Variants in NUTM2E observed in about 807,000 individuals in gnomAD.
NUTM2E encodes NUT family member 2E.
Under a neutral mutation model 26.1 loss-of-function variants are expected in NUTM2E, and 3 were observed. The observed-to-expected ratio is 0.12, with a 90% CI of 0.05 to 0.30. The LOEUF (loss-of-function observed/expected upper bound fraction) is 0.30. NUTM2E is among the 10% of genes least tolerant of loss of function. The probability of loss-of-function intolerance (pLI) is 1.00; values close to 1 mark genes in which losing one functional copy is unlikely to be tolerated. For missense variants in NUTM2E, 62 were observed against 381.3 expected (o/e 0.16, Z 6.97); for synonymous variants, 13 against 157.5 (o/e 0.08, Z 6.87).
Position 79,838,333 on chromosome 10 carries a change from T to C in NUTM2E, c.-2703T>C, listed in dbSNP as rs407831. 0.51 allele frequency among the ~76,000 whole-genome samples: 12,492 copies of C among 24,536 alleles called. 4,475 individuals are homozygous for C. The highest frequency in any genetic ancestry group is 0.8 in the Middle Eastern group (48 of 60). 16.1% of individuals were successfully genotyped at this position (24,536 alleles called of 152,430 possible). On this transcript the variant is annotated 5_prime_UTR_variant, in exon 2 of 10. Coordinates refer to ENST00000429984, the MANE Select transcript of NUTM2E (RefSeq NM_001355263.2). ...GCTGCTCCTATCAGTGACAAATCAG[T>C]GTATTAGAACATGCATGCTGGCTGA...
chr10:79,828,134 G>C (rs1266600067), intron 1 of NUTM2E, among the ~76,000 whole-genome samples: 2 of 151,486 alleles, frequency 1.3e-5, no homozygotes, highest in East Asian at 3.9e-4. Context: ...TGTGCTTTCA[G>C]AATGAGGCAA....
rs577263063 is a variant in NUTM2E at position 79,839,141 on chromosome 10, C to G, written c.-2114+26C>G. Among the ~76,000 whole-genome samples, 95 of 151,744 alleles carry G rather than the reference C, an allele frequency of 6.3e-4. 2 individuals are homozygous for G. The highest frequency in any genetic ancestry group is 9.9e-4 in the Non-Finnish European group (67 of 67,858). On this transcript the variant is annotated intron_variant, in intron 3 of 9. Transcript: ENST00000429984. ...GTAATACAAACCTGCAGTCCATGCA[C>G]CTAGGTAACACCCTTGCTGAAAGGT...
chr10:79,827,772 A>G (rs1405346745), intron 1 of NUTM2E, among the ~76,000 whole-genome samples: 1 of 147,266 alleles, frequency 6.8e-6, no homozygotes, highest in Non-Finnish European at 1.5e-5. Flanking sequence ...ATACTAAATG[A>G]ATTATTTAGT....
At chr10:79,847,052 TGAG>T (rs1206425895) in intron 6 of NUTM2E, 94 bp downstream of exon 6, 1 of 872,340 alleles carries the variant, frequency 1.1e-6, no homozygotes, top group African/African-American at 1.7e-5. Flanking sequence ...ACGTGGAGTA[TGAG>T]GAGGGTGTGG....
rs1156929036 is a variant in NUTM2E at position 79,826,957 on chromosome 10, A to G, written c.-3128A>G. The G allele has an allele frequency of 2.0e-5, 3 of 147,818 alleles. No individual in the cohort carries two copies. Among genetic ancestry groups the G allele is most frequent in the African/African-American group, 7.4e-5 (3 of 40,302 alleles). 9.2% of individuals were successfully genotyped at this position (147,818 alleles called of 1,614,324 possible). A position where few individuals can be genotyped will look rare whatever the true frequency, so the allele number is the denominator to read the frequency against. ...TGCCGGGCACCGTCGAGCGTTAGCC[A>G]CCCAGCATTGAGCTGCCAGCGGCTG... On this transcript the variant is annotated 5_prime_UTR_variant, in exon 1 of 10. Transcript: ENST00000429984.
At chr10:79,845,318 T>A (rs551952568) in intron 5 of NUTM2E, among the ~76,000 whole-genome samples, 57 of 113,768 alleles carry the variant, frequency 5.0e-4, no homozygotes, top group Non-Finnish European at 8.1e-4. Context: ...GCAGTTCCGC[T>A]GAGGTCCAGT....
chr10:79,833,674 C>T (rs1329626803), intron 1 of NUTM2E, among the ~76,000 whole-genome samples: 2 of 151,582 alleles, frequency 1.3e-5, no homozygotes, highest in African/African-American at 4.8e-5. Flanking sequence ...CCATCTCAGG[C>T]CAGTTAGAAT....
chr10:79,833,184 G>A (rs1314254229), intron 1 of NUTM2E, among the ~76,000 whole-genome samples: 2 of 151,848 alleles, frequency 1.3e-5, no homozygotes, highest in African/African-American at 4.8e-5. Flanking sequence ...TCCCCAAAAA[G>A]CAATTAAGCA....
chr10:79,834,173 A>C (rs1400153007), intron 1 of NUTM2E, among the ~76,000 whole-genome samples: 1 of 151,376 alleles, frequency 6.6e-6, no homozygotes, highest in African/African-American at 2.4e-5. Flanking sequence ...ACACGTGGGC[A>C]CATGGAGGGA....
chr10:79,832,863 G>A (rs977535283), intron 1 of NUTM2E, among the ~76,000 whole-genome samples: 1 of 151,684 alleles, frequency 6.6e-6, no homozygotes, highest in African/African-American at 2.4e-5. Flanking sequence ...GAGAAACAGT[G>A]TATGTGTGTG....
rs868176795 is a variant in NUTM2E, at chr10:79,838,200, G to A, written c.-2727-109G>A. ...ATTTGTAAATCCCACATAAGTAAGC[G>A]ATTCTCATGGAAGCTTTTCTTGACT... is the stretch of plus-strand genomic sequence containing the variant. On this transcript the variant is annotated intron_variant, in intron 1 of 9. Coordinates refer to ENST00000429984, the MANE Select transcript of NUTM2E (RefSeq NM_001355263.2). Among the ~76,000 whole-genome samples, 142 of 143,952 alleles carry A rather than the reference G, an allele frequency of 9.9e-4. 1 individual carries two copies. Among genetic ancestry groups the A allele is most frequent in the African/African-American group, 3.3e-3 (129 of 39,118 alleles). 94.4% of individuals were successfully genotyped at this position (143,952 alleles called of 152,430 possible). A position where few individuals can be genotyped will look rare whatever the true frequency, so the allele number is the denominator to read the frequency against.
intron 1 of NUTM2E, among the ~76,000 whole-genome samples, chr10:79,827,913 C>T (rs1301753358): frequency 6.6e-6 from 1 of 150,876 alleles, no homozygotes; most frequent in Non-Finnish European, 1.5e-5. Flanking sequence ...CCTACCTCAG[C>T]CTCCCAAGTA....
In NUTM2E at chr10:79,840,306, C is replaced by A. The variant is rs1589309038; in HGVS notation, c.-1435C>A. The stretch of plus-strand genomic sequence containing the variant: ...ACCATGATTTTGCTTGAATTGCTCT[C>A]CGTTGATCTTCTCAGCTAAGATGGA... On this transcript the variant is annotated 5_prime_UTR_variant, in exon 4 of 10. Transcript: ENST00000429984. 9.0e-6 allele frequency among the ~76,000 whole-genome samples: 1 copy of A among 111,218 alleles called. No homozygotes were observed. The highest frequency in any genetic ancestry group is 1.9e-5 in the Non-Finnish European group (1 of 52,150). The allele number at this position is 111,218 out of a possible 152,430, so 73.0% of individuals were successfully genotyped here.
rs1356659521 is a variant in NUTM2E, at chr10:79,830,976, C to T, written c.-2728+3619C>T. Among the ~76,000 whole-genome samples the T allele has an allele frequency of 5.9e-5, 9 of 151,862 alleles. No individual in the cohort carries two copies. The East Asian group carries it at 1.4e-3, about 23-fold the overall frequency. ...TCTTTATTTTAATATTTATATACCA[C>T]GTAGGCATCTCAGTGTTTCACTCTT... On this transcript the variant is annotated intron_variant, in intron 1 of 9. Coordinates refer to ENST00000429984, the MANE Select transcript of NUTM2E (RefSeq NM_001355263.2).
intron 1 of NUTM2E, among the ~76,000 whole-genome samples, chr10:79,836,904 C>T (rs981166670): frequency 1.3e-5 from 2 of 151,916 alleles, no homozygotes; most frequent in African/African-American, 4.8e-5. Context: ...AACTTTATTA[C>T]CCTTATCTAT....
At chr10:79,830,621 G>A (rs1367572532) in intron 1 of NUTM2E, among the ~76,000 whole-genome samples, 1 of 151,444 alleles carries the variant, frequency 6.6e-6, no homozygotes, top group African/African-American at 2.4e-5. Context: ...ATTTTAATAG[G>A]TAAGAAACTA....
At chr10:79,830,251 T>C (rs61862761) in intron 1 of NUTM2E, among the ~76,000 whole-genome samples, 11,221 of 151,722 alleles carry the variant, frequency 0.074, 725 homozygotes, top group South Asian at 0.2. Flanking sequence ...TCTTTCATCC[T>C]AAGAATAAAA....
At chr10:79,837,970 C>T (rs1281439214) in intron 1 of NUTM2E, among the ~76,000 whole-genome samples, 3 of 151,416 alleles carry the variant, frequency 2.0e-5, no homozygotes, top group Admixed American at 1.3e-4. Context: ...ATGAAAGCCT[C>T]AGCTGCAGCC....
At chr10:79,836,169 C>T (rs1841962546) in intron 1 of NUTM2E, among the ~76,000 whole-genome samples, 2 of 151,554 alleles carry the variant, frequency 1.3e-5, no homozygotes, top group African/African-American at 4.8e-5. Context: ...GTCAGAACCT[C>T]ACCATTTATT....
Sources: allele counts gnomAD v4.1 joint callset (sites outside exome capture counted in the v4.1 genomes callset), GRCh38; gene constraint gnomAD v4.1.1; transcripts MANE v1.5; gene names NCBI Gene and HGNC (gene_info 2026-07-23, HGNC 2026-07-21).